SYNDIG1: variants seen among roughly 807,000 people sequenced by gnomAD.
SYNDIG1 encodes the protein synapse differentiation-inducing gene protein 1.
A neutral mutation model predicts 19.4 loss-of-function variants in SYNDIG1; 9 were observed. That is an observed-to-expected ratio of 0.46 (90% confidence interval 0.28 to 0.81). The LOEUF (loss-of-function observed/expected upper bound fraction) is 0.81. Among genes scored for constraint, SYNDIG1 ranks in the 30% least tolerant of loss-of-function variants. SYNDIG1 has a pLI of 0.12. For missense variants in SYNDIG1, 311 were observed against 343.3 expected, an observed-to-expected ratio of 0.91 and a Z score of 0.74; for synonymous variants, 141 against 145.9, an observed-to-expected ratio of 0.97 and a Z score of 0.24.
intron 3 of SYNDIG1, among the ~76,000 whole-genome samples, chr20:24,610,094 CT>C (rs2058823261): frequency 6.6e-6 from 1 of 152,116 alleles, no homozygotes; most frequent in Admixed American, 6.5e-5. Flanking sequence ...GTGGGCAATA[CT>C]TTGTGGTGCT....
At chr20:24,639,185 G>C (rs937827975) in intron 3 of SYNDIG1, among the ~76,000 whole-genome samples, 2 of 152,218 alleles carry the variant, frequency 1.3e-5, no homozygotes, top group Non-Finnish European at 2.9e-5. Flanking sequence ...CCCAGAGTGA[G>C]GTAAGACGCA....
chr20:24,644,526 G>A (rs186152120), intron 3 of SYNDIG1, among the ~76,000 whole-genome samples: 6 of 152,330 alleles, frequency 3.9e-5, no homozygotes, highest in Admixed American at 3.3e-4. Flanking sequence ...TTGAGGCCTT[G>A]TTGCTTCTGC....
intron 1 of SYNDIG1, among the ~76,000 whole-genome samples, chr20:24,489,701 C>A (rs1016662044): frequency 2.6e-5 from 4 of 152,240 alleles, no homozygotes; most frequent in African/African-American, 4.8e-5. Context: ...ACACTTATAA[C>A]CTGAACAGTA....
chr20:24,615,258 G>T (rs993377498), intron 3 of SYNDIG1, among the ~76,000 whole-genome samples: 9 of 152,260 alleles, frequency 5.9e-5, no homozygotes, highest in Non-Finnish European at 7.4e-5. Context: ...AATGAAATGG[G>T]CCCAGGGAGG....
intron 3 of SYNDIG1, among the ~76,000 whole-genome samples, chr20:24,662,846 T>C (rs2059616144): frequency 6.6e-6 from 1 of 152,252 alleles, no homozygotes; most frequent in African/African-American, 2.4e-5. Context: ...CAAACTTTTT[T>C]GCACCTACAC....
At chr20:24,512,570 A>C (rs1226054661) in intron 1 of SYNDIG1, among the ~76,000 whole-genome samples, 1 of 152,050 alleles carries the variant, frequency 6.6e-6, no homozygotes, top group East Asian at 1.9e-4. Context: ...ATCAAACTGC[A>C]AGGCAGCAGC....
At chr20:24,545,190 C>G (rs1041623915) in intron 2 of SYNDIG1, among the ~76,000 whole-genome samples, 3 of 152,166 alleles carry the variant, frequency 2.0e-5, no homozygotes, top group Non-Finnish European at 4.4e-5. Flanking sequence ...TTTGGTGCAA[C>G]TCCAGCCGGT....
intron 1 of SYNDIG1, among the ~76,000 whole-genome samples, chr20:24,517,663 CACAT>C (rs1167313560): frequency 7.0e-6 from 1 of 142,280 alleles, no homozygotes; most frequent in Non-Finnish European, 1.5e-5. Flanking sequence ...TATATATACA[CACAT>C]ATATATGTGT....
chr20:24,620,447 A>G (rs1389258622), intron 3 of SYNDIG1, among the ~76,000 whole-genome samples: 2 of 152,258 alleles, frequency 1.3e-5, no homozygotes, highest in Non-Finnish European at 2.9e-5. Context: ...CAAGCCATCC[A>G]TAGGAGGCCC....
intron 2 of SYNDIG1, among the ~76,000 whole-genome samples, chr20:24,549,818 G>A (rs1232328121): frequency 6.6e-6 from 1 of 152,194 alleles, no homozygotes; most frequent in Non-Finnish European, 1.5e-5. Flanking sequence ...GGATGGATGT[G>A]GAGCCGGGAA....
At chr20:24,646,926 T>C (rs2059427987) in intron 3 of SYNDIG1, among the ~76,000 whole-genome samples, 1 of 152,194 alleles carries the variant, frequency 6.6e-6, no homozygotes, top group Non-Finnish European at 1.5e-5. Context: ...CGGCTGATGC[T>C]CAGTCTTGAA....
intron 2 of SYNDIG1, among the ~76,000 whole-genome samples, chr20:24,563,374 T>A (rs970976930): frequency 6.6e-6 from 1 of 152,164 alleles, no homozygotes; most frequent in Admixed American, 6.5e-5. Flanking sequence ...AGATTTGTCT[T>A]ATCTGAGTTC....
chr20:24,544,428 G>A (rs190260727), intron 2 of SYNDIG1, among the ~76,000 whole-genome samples: 13 of 152,328 alleles, frequency 8.5e-5, no homozygotes, highest in Non-Finnish European at 1.8e-4. Flanking sequence ...CCGCCGAGCA[G>A]GTCCAACCTT....
At chr20:24,648,940 C>T (rs2059445126) in intron 3 of SYNDIG1, among the ~76,000 whole-genome samples, 1 of 152,204 alleles carries the variant, frequency 6.6e-6, no homozygotes, top group African/African-American at 2.4e-5. Context: ...TTGGATATAT[C>T]CTTCATTCAT....
intron 1 of SYNDIG1, among the ~76,000 whole-genome samples, chr20:24,503,913 A>C (rs943277926): frequency 1.4e-5 from 2 of 147,066 alleles, no homozygotes; most frequent in African/African-American, 5.0e-5. Flanking sequence ...TTTCATGAGG[A>C]TTGCTGCTTA....
rs544253442 is a variant in SYNDIG1 at position 24,597,443 on chromosome 20, T to C, written c.618+12450T>C. Among the ~76,000 whole-genome samples the C allele has an allele frequency of 6.6e-5, 10 of 152,220 alleles. No homozygotes were observed. The South Asian group carries it at 2.1e-3, about 32-fold the overall frequency. On this transcript the variant is annotated intron_variant, in intron 3 of 3. Transcript: ENST00000376862. ...GCATTTCTTCCACTTTTTTCGTTGT[T>C]CTGGAAGGGATGCTAAGGCTGGGAG...
At chr20:24,512,644 C>T (rs1448996683) in intron 1 of SYNDIG1, among the ~76,000 whole-genome samples, 1 of 152,114 alleles carries the variant, frequency 6.6e-6, no homozygotes, top group African/African-American at 2.4e-5. Context: ...CTGGGAAGCT[C>T]AAATTGGGTG....
intron 1 of SYNDIG1, among the ~76,000 whole-genome samples, chr20:24,479,786 C>T (rs1201761830): frequency 1.3e-5 from 2 of 152,122 alleles, no homozygotes; most frequent in African/African-American, 2.4e-5. Context: ...AGTGCAGATC[C>T]GCCTCTGGGG....
At chr20:24,570,354 A>G (rs1407920730) in intron 2 of SYNDIG1, among the ~76,000 whole-genome samples, 1 of 152,266 alleles carries the variant, frequency 6.6e-6, no homozygotes, top group African/African-American at 2.4e-5. Flanking sequence ...CTGTCAAATG[A>G]TGAAAAGACA....
Sources: allele counts gnomAD v4.1 joint callset (sites outside exome capture counted in the v4.1 genomes callset), GRCh38; gene constraint gnomAD v4.1.1; transcripts MANE v1.5; gene names NCBI Gene and HGNC (gene_info 2026-07-23, HGNC 2026-07-21).